Variants in CCSER1 observed in about 807,000 individuals in gnomAD.
CCSER1 encodes coiled-coil serine rich protein 1, also known as serine-rich coiled-coil domain-containing protein 1.
Under a neutral mutation model 82.0 loss-of-function variants are expected in CCSER1, and 41 were observed. The ratio of observed to expected loss-of-function variants is 0.50; its 90% CI spans 0.39 to 0.65. The LOEUF (loss-of-function observed/expected upper bound fraction) is 0.65, where lower values mean the gene tolerates loss of function less well. Ranked by LOEUF, CCSER1 falls within the 30% of genes least tolerant of loss-of-function variation. CCSER1 has a pLI of 0.00. For missense variants in CCSER1, 1,119 were observed against 1,064.2 expected, an observed-to-expected ratio of 1.05 and a Z score of -0.72; for synonymous variants, 414 against 383.9, an observed-to-expected ratio of 1.08 and a Z score of -0.92.
intron 1 of CCSER1, among the ~76,000 whole-genome samples, chr4:90,294,741 A>G (rs1033440323): frequency 6.6e-6 from 1 of 152,006 alleles, no homozygotes; most frequent in African/African-American, 2.4e-5. Flanking sequence ...CTGATTGTTG[A>G]AGCATCGTAT....
At chr4:90,509,852 A>G (rs1174411963) in intron 5 of CCSER1, among the ~76,000 whole-genome samples, 2 of 152,212 alleles carry the variant, frequency 1.3e-5, no homozygotes, top group South Asian at 4.1e-4. Flanking sequence ...TTATAGAACT[A>G]AATATTTGGG....
At chr4:90,344,153 T>C (rs750016010) in intron 3 of CCSER1, among the ~76,000 whole-genome samples, 1 of 152,212 alleles carries the variant, frequency 6.6e-6, no homozygotes, top group Non-Finnish European at 1.5e-5. Context: ...TGTCTTTCTG[T>C]GCCTGGCTTA....
chr4:91,496,729 T>TATTGA (rs1758894676), intron 10 of CCSER1, among the ~76,000 whole-genome samples: 1 of 55,698 alleles, frequency 1.8e-5, no homozygotes, highest in African/African-American at 6.1e-5. Context: ...ATAGAATATA[T>TATTGA]ATATATATTG....
intron 10 of CCSER1, among the ~76,000 whole-genome samples, chr4:91,392,357 A>G (rs1024910366): frequency 1.1e-5 from 1 of 91,092 alleles, no homozygotes; most frequent in Non-Finnish European, 2.3e-5. Flanking sequence ...TATGAAACCT[A>G]CACATGCACA....
chr4:91,593,943 G>A (rs1462047661), intron 10 of CCSER1, among the ~76,000 whole-genome samples: 1 of 152,110 alleles, frequency 6.6e-6, no homozygotes, highest in Admixed American at 6.6e-5. Context: ...ATATGCTATT[G>A]TAAAGAAATG....
intron 10 of CCSER1, among the ~76,000 whole-genome samples, chr4:91,387,442 G>A (rs1454792261): frequency 6.6e-6 from 1 of 151,688 alleles, no homozygotes; most frequent in Non-Finnish European, 1.5e-5. Context: ...TTAGGACACT[G>A]AGAAAAAAAT....
intron 7 of CCSER1, among the ~76,000 whole-genome samples, chr4:90,784,853 AAAG>A (rs1029801187): frequency 4.5e-4 from 69 of 152,340 alleles, no homozygotes; most frequent in Admixed American, 1.0e-3. Flanking sequence ...AAGCTAGAGA[AAAG>A]AAAATGTTTT....
intron 1 of CCSER1, among the ~76,000 whole-genome samples, chr4:90,186,142 G>A (rs1236527495): frequency 6.6e-6 from 1 of 151,996 alleles, no homozygotes; most frequent in African/African-American, 2.4e-5. Flanking sequence ...TTAGGATGCT[G>A]TCTTTGGGCA....
At position 90,141,020 on chromosome 4, in the gene CCSER1, ATATCTATC is replaced by A. The variant is rs60163485; in HGVS notation, c.-42+13225_-42+13232del. ...GTGTTCTCCAGAGAAACCCAGCAAG[ATATCTATC>A]TATCTATCTATCTATCTATCTATCT... On this transcript the variant is annotated intron_variant, in intron 1 of 10. Transcript: ENST00000509176. Among the ~76,000 whole-genome samples, 96 of 145,984 alleles carry A rather than the reference ATATCTATC, an allele frequency of 6.6e-4. 1 individual carries two copies. The highest frequency in any genetic ancestry group is 1.0e-3 in the East Asian group (5 of 4,860).
At chr4:90,263,760 T>C (rs149452204) in intron 1 of CCSER1, among the ~76,000 whole-genome samples, 1 of 152,238 alleles carries the variant, frequency 6.6e-6, no homozygotes, top group Non-Finnish European at 1.5e-5. Flanking sequence ...GGTGGAGCTA[T>C]AAAGCTCCCA....
intron 9 of CCSER1, among the ~76,000 whole-genome samples, chr4:91,023,093 T>C (rs1399859419): frequency 2.0e-5 from 3 of 152,232 alleles, no homozygotes; most frequent in Non-Finnish European, 1.5e-5. Flanking sequence ...GGAATCCAAC[T>C]TACAAGGGAC....
intron 10 of CCSER1, among the ~76,000 whole-genome samples, chr4:91,149,937 G>A (rs906284653): frequency 2.6e-5 from 4 of 152,116 alleles, no homozygotes; most frequent in African/African-American, 4.8e-5. Context: ...TGTTCTTGTG[G>A]CTTAGGATTG....
intron 5 of CCSER1, among the ~76,000 whole-genome samples, chr4:90,551,700 C>CTATATA (rs1226739623): frequency 1.7e-5 from 2 of 117,184 alleles, no homozygotes; most frequent in African/African-American, 8.4e-5. Context: ...CTCTCTCTCT[C>CTATATA]TCTCTCTATA....
At chr4:91,007,034 G>A (rs1282435889) in intron 9 of CCSER1, among the ~76,000 whole-genome samples, 4 of 152,174 alleles carry the variant, frequency 2.6e-5, no homozygotes, top group Non-Finnish European at 5.9e-5. Flanking sequence ...TGAAATAATT[G>A]TATGTTTTTT....
At chr4:91,261,464 A>C (rs1045985475) in intron 10 of CCSER1, among the ~76,000 whole-genome samples, 3 of 152,236 alleles carry the variant, frequency 2.0e-5, no homozygotes, top group Non-Finnish European at 4.4e-5. Flanking sequence ...TCAATATGGT[A>C]TCTTGGAAAG....
chr4:91,443,590 C>T (rs1458109789), intron 10 of CCSER1, among the ~76,000 whole-genome samples: 3 of 150,812 alleles, frequency 2.0e-5, no homozygotes, highest in South Asian at 2.1e-4. Context: ...ACCAGCATGG[C>T]ACATGTATAC....
At chr4:90,293,883 A>T (rs1413968990) in intron 1 of CCSER1, among the ~76,000 whole-genome samples, 1 of 151,918 alleles carries the variant, frequency 6.6e-6, no homozygotes, top group Non-Finnish European at 1.5e-5. Context: ...ATAATGCTAC[A>T]TACTTCTAAA....
At chr4:90,689,684 C>T (rs1405187184) in intron 6 of CCSER1, among the ~76,000 whole-genome samples, 1 of 151,986 alleles carries the variant, frequency 6.6e-6, no homozygotes, top group African/African-American at 2.4e-5. Context: ...TAAGTAAGTG[C>T]TCCCAGGAAG....
At chr4:91,411,503 T>TATATATATATACATATATATATATATAC (rs1560650373) in intron 10 of CCSER1, among the ~76,000 whole-genome samples, 4 of 63,236 alleles carry the variant, frequency 6.3e-5, no homozygotes, top group African/African-American at 2.2e-4. Context: ...TATATATATA[T>TATATATATATACATATATATATATATAC]ATATATATAT....
Sources: gnomAD v4.1 joint callset for allele counts (sites outside exome capture counted in the v4.1 genomes callset) on GRCh38, gnomAD v4.1.1 for gene constraint, MANE v1.5 for transcripts, NCBI Gene and HGNC (gene_info 2026-07-23, HGNC 2026-07-21) for gene names.